Variants in THSD7B observed in about 807,000 individuals in gnomAD.
THSD7B encodes thrombospondin type-1 domain-containing protein 7B.
A neutral mutation model predicts 213.6 loss-of-function variants in THSD7B; 138 were observed. The ratio of observed to expected loss-of-function variants is 0.65; its 90% CI spans 0.56 to 0.74. The LOEUF is 0.74. Ranked by LOEUF, THSD7B falls within the 30% of genes least tolerant of loss-of-function variation. The pLI, the probability that THSD7B is intolerant of heterozygous loss-of-function variation, is 0.00. For synonymous variants in THSD7B, 742 were observed against 687.0 expected (o/e 1.08, Z -1.25); for missense variants, 1,931 against 1,991.5 (o/e 0.97, Z 0.58).
chr2:137,144,292 T>G (rs917925730), intron 5 of THSD7B, among the ~76,000 whole-genome samples: 1 of 152,086 alleles, frequency 6.6e-6, no homozygotes, highest in Non-Finnish European at 1.5e-5. Flanking sequence ...TTAAGGCCAT[T>G]TCATACTCTC....
intron 2 of THSD7B, among the ~76,000 whole-genome samples, chr2:136,985,369 G>A (rs1051855431): frequency 2.0e-5 from 3 of 152,190 alleles, no homozygotes; most frequent in Non-Finnish European, 4.4e-5. Flanking sequence ...GCCTTGTACA[G>A]CCTTGGGATA....
intron 5 of THSD7B, among the ~76,000 whole-genome samples, chr2:137,131,969 G>A (rs1360510793): frequency 3.3e-5 from 5 of 150,832 alleles, no homozygotes; most frequent in Admixed American, 6.6e-5. Context: ...ATTACCTTGG[G>A]CAGTATGGCC....
chr2:136,809,186 A>G (rs768956346), intron 1 of THSD7B, among the ~76,000 whole-genome samples: 7 of 152,196 alleles, frequency 4.6e-5, no homozygotes, highest in Non-Finnish European at 1.0e-4. Context: ...GGGTCTAGGA[A>G]TCTGGAGAAC....
In THSD7B at chr2:136,840,746, C is replaced by A. The variant is rs376430796; in HGVS notation, c.-35-41398C>A. On this transcript the variant is annotated intron_variant, in intron 1 of 27. Transcript: ENST00000409968. ...TCCAAGTTATATTCCAGGGAACTTGCTCTGGATGGTATATGGAGAAGTGAT... is the reference window on the plus strand; with the variant it reads ...TCCAAGTTATATTCCAGGGAACTTGATCTGGATGGTATATGGAGAAGTGAT... Among the ~76,000 whole-genome samples, 3 of 152,058 alleles carry A rather than the reference C, an allele frequency of 2.0e-5. No individual in the cohort carries two copies. In the East Asian group the frequency reaches 5.8e-4, roughly 29 times the overall value.
At chr2:137,040,073 A>G (rs1363780883) in intron 2 of THSD7B, among the ~76,000 whole-genome samples, 1 of 152,212 alleles carries the variant, frequency 6.6e-6, no homozygotes, top group African/African-American at 2.4e-5. Flanking sequence ...CCCACAGTAC[A>G]GCAAAAGGTT....
chr2:137,010,454 G>A lies in THSD7B; in HGVS notation c.140-45966G>A, dbSNP rs527850324. Among the ~76,000 whole-genome samples the A allele has an allele frequency of 1.4e-4, 22 of 152,074 alleles. No individual in the cohort carries two copies. The South Asian group carries it at 3.1e-3, about 21-fold the overall frequency. ...CAGTAATGTCTACCTCCCCTGACAC[G>A]GTTATGGGTCTCTGCTATGTTCTAC... On this transcript the variant is annotated intron_variant, in intron 2 of 27. Transcript: ENST00000409968.
intron 2 of THSD7B, among the ~76,000 whole-genome samples, chr2:136,887,787 G>A (rs1333249844): frequency 6.6e-6 from 1 of 151,946 alleles, no homozygotes; most frequent in African/African-American, 2.4e-5. Flanking sequence ...ACTAATACAA[G>A]TATAATACTA....
At chr2:137,095,184 A>G in intron 4 of THSD7B, 63 bp downstream of exon 4, 1 of 1,580,048 alleles carries the variant, frequency 6.3e-7, no homozygotes, top group Non-Finnish European at 8.6e-7. Flanking sequence ...TAGGAATGTT[A>G]ACAGTAATGA....
intron 15 of THSD7B, among the ~76,000 whole-genome samples, chr2:137,464,151 G>A (rs1687940786): frequency 6.6e-6 from 1 of 151,848 alleles, no homozygotes; most frequent in African/African-American, 2.4e-5. Context: ...TTGATAGAGG[G>A]GCATCTGGTT....
intron 7 of THSD7B, among the ~76,000 whole-genome samples, chr2:137,197,872 T>C (rs1359957605): frequency 6.6e-6 from 1 of 152,206 alleles, no homozygotes; most frequent in African/African-American, 2.4e-5. Flanking sequence ...GGACCATGTC[T>C]TCAGGTCATT....
chr2:136,971,717 A>C (rs1175654804), intron 2 of THSD7B, among the ~76,000 whole-genome samples: 1 of 151,468 alleles, frequency 6.6e-6, no homozygotes, highest in Non-Finnish European at 1.5e-5. Flanking sequence ...CATATAATAA[A>C]ATTACATTGG....
chr2:136,921,164 A>G (rs1478281913), intron 2 of THSD7B, among the ~76,000 whole-genome samples: 6 of 146,192 alleles, frequency 4.1e-5, no homozygotes, highest in African/African-American at 1.5e-4. Flanking sequence ...TGCTGCAGCC[A>G]GTGTCCTTAC....
At chr2:137,020,426 G>T (rs745315437) in intron 2 of THSD7B, among the ~76,000 whole-genome samples, 9 of 152,226 alleles carry the variant, frequency 5.9e-5, no homozygotes, top group African/African-American at 9.6e-5. Context: ...AAAATTGATT[G>T]TGCTTATTTT....
chr2:137,022,127 C>T (rs1253553316), intron 2 of THSD7B, among the ~76,000 whole-genome samples: 3 of 152,022 alleles, frequency 2.0e-5, no homozygotes, highest in East Asian at 1.9e-4. Flanking sequence ...TTTGGGGCTA[C>T]GATGAATAAA....
At chr2:137,043,380 T>C (rs1342265164) in intron 2 of THSD7B, among the ~76,000 whole-genome samples, 1 of 152,056 alleles carries the variant, frequency 6.6e-6, no homozygotes, top group Admixed American at 6.5e-5. Context: ...CTTGGTTCTT[T>C]ATGGTACTTT....
intron 12 of THSD7B, among the ~76,000 whole-genome samples, chr2:137,282,248 GTTGT>G (rs1328216678): frequency 2.0e-5 from 3 of 152,014 alleles, no homozygotes; most frequent in Non-Finnish European, 2.9e-5. Flanking sequence ...TGTTGATGGG[GTTGT>G]TTGTTTTTTT....
At chr2:137,583,276 C>A (rs1005306925) in intron 17 of THSD7B, among the ~76,000 whole-genome samples, 4 of 152,084 alleles carry the variant, frequency 2.6e-5, no homozygotes, top group Non-Finnish European at 5.9e-5. Context: ...AATTTTCTCC[C>A]ATTCTGTAGG....
chr2:137,374,685 C>G (rs1685612758), intron 12 of THSD7B, among the ~76,000 whole-genome samples: 1 of 152,112 alleles, frequency 6.6e-6, no homozygotes. Flanking sequence ...TGCTTTAGTA[C>G]CAGCTGGCTA....
intron 3 of THSD7B, among the ~76,000 whole-genome samples, chr2:137,076,657 G>A (rs554502239): frequency 4.6e-5 from 7 of 152,296 alleles, no homozygotes; most frequent in Non-Finnish European, 8.8e-5. Flanking sequence ...TGGAAATGCA[G>A]AAATCACCCA....
Sources: gnomAD v4.1 joint callset for allele counts (sites outside exome capture counted in the v4.1 genomes callset) on GRCh38, gnomAD v4.1.1 for gene constraint, MANE v1.5 for transcripts, NCBI Gene and HGNC (gene_info 2026-07-23, HGNC 2026-07-21) for gene names.